GALNTL6: variants seen among roughly 807,000 people sequenced by gnomAD.
GALNTL6 encodes polypeptide N-acetylgalactosaminyltransferase like 6.
GALNTL6 carries 46 observed loss-of-function variants against 73.7 expected under a neutral mutation model. The observed-to-expected ratio is 0.62, with a 90% CI of 0.49 to 0.80. The LOEUF (loss-of-function observed/expected upper bound fraction) is 0.80. Among genes scored for constraint, GALNTL6 ranks in the 30% least tolerant of loss-of-function variants. GALNTL6 has a pLI of 0.00. For missense variants in GALNTL6, 604 were observed against 755.0 expected, an observed-to-expected ratio of 0.80 and a Z score of 2.34; for synonymous variants, 259 against 263.7, an observed-to-expected ratio of 0.98 and a Z score of 0.17.
intron 2 of GALNTL6, among the ~76,000 whole-genome samples, chr4:172,083,672 A>G (rs1479313210): frequency 6.6e-6 from 1 of 152,152 alleles, no homozygotes; most frequent in Non-Finnish European, 1.5e-5. Flanking sequence ...ACCTCATGAC[A>G]TTCCTTATCC....
intron 2 of GALNTL6, among the ~76,000 whole-genome samples, chr4:171,846,913 T>C (rs200334825): frequency 8.8e-5 from 1 of 11,356 alleles, no homozygotes; most frequent in Non-Finnish European, 2.3e-4. Context: ...TATATATACA[T>C]ATAATTATAT....
intron 2 of GALNTL6, among the ~76,000 whole-genome samples, chr4:171,886,301 A>C (rs1264032109): frequency 6.6e-6 from 1 of 152,228 alleles, no homozygotes; most frequent in East Asian, 1.9e-4. Flanking sequence ...ATATCAAAGT[A>C]ACCAGTCAAT....
intron 8 of GALNTL6, among the ~76,000 whole-genome samples, chr4:172,908,493 G>A (rs1211986620): frequency 6.6e-6 from 1 of 151,868 alleles, no homozygotes; most frequent in Non-Finnish European, 1.5e-5. Flanking sequence ...AAGCAGGGGG[G>A]AAATTTTCTA....
intron 5 of GALNTL6, among the ~76,000 whole-genome samples, chr4:172,792,964 A>G (rs747516420): frequency 1.2e-4 from 19 of 152,078 alleles, no homozygotes; most frequent in Non-Finnish European, 2.5e-4. Flanking sequence ...CAGAATTTGT[A>G]TGTCATTTGT....
chr4:172,646,910 A>G (rs1399529863), intron 5 of GALNTL6, among the ~76,000 whole-genome samples: 1 of 152,090 alleles, frequency 6.6e-6, no homozygotes, highest in Non-Finnish European at 1.5e-5. Context: ...ATTACAAGGA[A>G]CAATTATTCT....
rs529021895 is a variant in GALNTL6, at chr4:172,944,443, G to A, written c.1150-7594G>A. On this transcript the variant is annotated intron_variant, in intron 9 of 12. Transcript: ENST00000506823. ...GATGCTACTGCATGCTTTTATAATG[G>A]CCAAAATTAAAAAGACTGACCACAC... 3.5e-4 allele frequency among the ~76,000 whole-genome samples: 54 copies of A among 152,284 alleles called. No individual in the cohort carries two copies. In the South Asian group the frequency reaches 3.7e-3, roughly 11 times the overall value.
At chr4:172,675,814 C>T (rs1156862372) in intron 5 of GALNTL6, among the ~76,000 whole-genome samples, 2 of 152,162 alleles carry the variant, frequency 1.3e-5, no homozygotes, top group Non-Finnish European at 2.9e-5. Flanking sequence ...AATCACTATG[C>T]CCTAAAGAAA....
At chr4:173,016,847 G>A (rs544301183) in intron 11 of GALNTL6, among the ~76,000 whole-genome samples, 259 of 152,294 alleles carry the variant, frequency 1.7e-3, no homozygotes, top group African/African-American at 6.0e-3. Context: ...TGGTTTGGCT[G>A]TGTCTCCACC....
chr4:173,004,540 T>C (rs11132975), intron 10 of GALNTL6, among the ~76,000 whole-genome samples: 148,393 of 152,248 alleles, frequency 0.97, 72,454 homozygotes, highest in Middle Eastern at 1. Flanking sequence ...GCAGGAAGAT[T>C]GCTTGAACCC....
chr4:172,114,287 C>T (rs369797276), intron 2 of GALNTL6, among the ~76,000 whole-genome samples: 2 of 151,960 alleles, frequency 1.3e-5, no homozygotes, highest in East Asian at 3.9e-4. Flanking sequence ...GTTACAAAAC[C>T]GTAAGTAGTT....
intron 2 of GALNTL6, among the ~76,000 whole-genome samples, chr4:171,927,190 G>T (rs1738011491): frequency 6.6e-6 from 1 of 151,944 alleles, no homozygotes; most frequent in African/African-American, 2.4e-5. Flanking sequence ...ATTCCATGTT[G>T]TTTTAAGAAA....
intron 5 of GALNTL6, among the ~76,000 whole-genome samples, chr4:172,492,256 A>C (rs1039357116): frequency 2.6e-5 from 4 of 152,160 alleles, no homozygotes; most frequent in Admixed American, 2.6e-4. Flanking sequence ...CTAAGTGCAC[A>C]TTTCTAATAT....
chr4:172,201,192 T>C (rs1014902847), intron 2 of GALNTL6, among the ~76,000 whole-genome samples: 1 of 150,920 alleles, frequency 6.6e-6, no homozygotes, highest in African/African-American at 2.5e-5. Flanking sequence ...TTTTTTTGGT[T>C]TGTTTGTTAT....
chr4:172,429,827 G>A (rs979797770), intron 5 of GALNTL6, among the ~76,000 whole-genome samples: 7 of 152,138 alleles, frequency 4.6e-5, no homozygotes, highest in East Asian at 1.9e-4. Context: ...AGTATGAAGC[G>A]TATTTGATAA....
chr4:172,600,960 A>G (rs552622487), intron 5 of GALNTL6, among the ~76,000 whole-genome samples: 1 of 152,284 alleles, frequency 6.6e-6, no homozygotes, highest in Non-Finnish European at 1.5e-5. Context: ...AATCTGAACC[A>G]TAACCCAAAA....
chr4:172,258,611 A>G (rs867376991), intron 3 of GALNTL6, among the ~76,000 whole-genome samples: 6 of 151,146 alleles, frequency 4.0e-5, no homozygotes, highest in African/African-American at 1.4e-4. Context: ...CTTCTATTTT[A>G]TTTCAGTAGT....
intron 2 of GALNTL6, among the ~76,000 whole-genome samples, chr4:172,059,058 T>A (rs1731114358): frequency 6.6e-6 from 1 of 152,144 alleles, no homozygotes; most frequent in Non-Finnish European, 1.5e-5. Context: ...TAAACTAAAG[T>A]CTTGAAAAGA....
intron 5 of GALNTL6, among the ~76,000 whole-genome samples, chr4:172,466,187 C>A (rs1389959326): frequency 5.3e-5 from 8 of 152,034 alleles, no homozygotes; most frequent in African/African-American, 1.9e-4. Context: ...AAGAATTAAT[C>A]CAAAGCTGAA....
At chr4:172,064,316 T>C (rs558783791) in intron 2 of GALNTL6, among the ~76,000 whole-genome samples, 85 of 152,240 alleles carry the variant, frequency 5.6e-4, no homozygotes, top group Non-Finnish European at 1.1e-3. Flanking sequence ...ATTTGGCCTT[T>C]GGTGCCCATA....
Sources: allele counts gnomAD v4.1 joint callset (sites outside exome capture counted in the v4.1 genomes callset), GRCh38; gene constraint gnomAD v4.1.1; transcripts MANE v1.5; gene names NCBI Gene and HGNC (gene_info 2026-07-23, HGNC 2026-07-21).